The following SLIT3 variants were observed in gnomAD, a reference collection of about 807,000 sequenced individuals.
SLIT3 encodes slit guidance ligand 3.
Under a neutral mutation model 184.0 loss-of-function variants are expected in SLIT3, and 68 were observed. The ratio of observed to expected loss-of-function variants is 0.37; its 90% CI spans 0.30 to 0.45. The LOEUF (loss-of-function observed/expected upper bound fraction) is 0.45. Among genes scored for constraint, SLIT3 ranks in the 20% least tolerant of loss-of-function variants. The pLI, the probability that SLIT3 is intolerant of heterozygous loss-of-function variation, is 1.00. For missense variants in SLIT3, 1,707 were observed against 2,026.0 expected (o/e 0.84, Z 3.02); for synonymous variants, 831 against 828.6 (o/e 1.00, Z -0.05).
intron 4 of SLIT3, among the ~76,000 whole-genome samples, chr5:168,960,651 G>C (rs1224846971): frequency 6.6e-6 from 1 of 152,254 alleles, no homozygotes; most frequent in Non-Finnish European, 1.5e-5. Context: ...CCTGGCCGAA[G>C]TTACCTTCTT....
chr5:168,816,949 G>A (rs1484860674), intron 8 of SLIT3, among the ~76,000 whole-genome samples: 1 of 152,170 alleles, frequency 6.6e-6, no homozygotes, highest in Non-Finnish European at 1.5e-5. Context: ...GCAATGGGAC[G>A]ACAGGAACAT....
At chr5:168,869,356 C>T (rs1422367021) in intron 5 of SLIT3, among the ~76,000 whole-genome samples, 1 of 152,156 alleles carries the variant, frequency 6.6e-6, no homozygotes, top group Non-Finnish European at 1.5e-5. Flanking sequence ...TAAATCATTT[C>T]ACTTTTGTAT....
intron 4 of SLIT3, among the ~76,000 whole-genome samples, chr5:169,150,516 TAC>T (rs58010997): frequency 2.5e-3 from 366 of 144,498 alleles, no homozygotes; most frequent in Middle Eastern, 7.0e-3. Context: ...TTCACTCACA[TAC>T]ACACACACAC....
chr5:168,854,576 G>A (rs1374315905), intron 5 of SLIT3, among the ~76,000 whole-genome samples: 1 of 152,232 alleles, frequency 6.6e-6, no homozygotes, highest in Non-Finnish European at 1.5e-5. Flanking sequence ...TGACCAGGCT[G>A]GGACAGCATA....
chr5:168,762,784 A>G (rs1483105517), intron 14 of SLIT3, 95 bp from the exon 15 acceptor site: 21 of 1,259,894 alleles, frequency 1.7e-5, no homozygotes, highest in Non-Finnish European at 2.3e-5. Flanking sequence ...AGATGGGGGA[A>G]TGAGTTGGGG....
Position 168,722,337 on chromosome 5 carries a change from A to G in SLIT3, c.2412-10T>C, listed in dbSNP as rs1762969531. ...GTTGTAGCTCAGGATCCTGTGGAAA[A>G]GGAGGCATGTGCCCTGTTGTGTCTT... On this transcript the variant is annotated splice_polypyrimidine_tract_variant and intron_variant, in intron 22 of 35. Transcript: ENST00000519560. The G allele has an allele frequency of 3.7e-6, 6 of 1,613,784 alleles. No individual in the cohort carries two copies. The highest frequency in any genetic ancestry group is 5.1e-6 in the Non-Finnish European group (6 of 1,179,746).
intron 32 of SLIT3, among the ~76,000 whole-genome samples, chr5:168,677,060 G>A (rs542579232): frequency 1.3e-5 from 2 of 152,124 alleles, no homozygotes; most frequent in Non-Finnish European, 2.9e-5. Flanking sequence ...GTGCCCCAGT[G>A]CTGGGCTTCC....
At chr5:168,744,053 T>C (rs994978565) in intron 20 of SLIT3, among the ~76,000 whole-genome samples, 1 of 152,188 alleles carries the variant, frequency 6.6e-6, no homozygotes, top group African/African-American at 2.4e-5. Flanking sequence ...ACTCTGGGAA[T>C]CCGGGGCGGG....
At chr5:169,250,513 T>G (rs1042238558) in intron 2 of SLIT3, among the ~76,000 whole-genome samples, 2 of 152,232 alleles carry the variant, frequency 1.3e-5, no homozygotes, top group African/African-American at 4.8e-5. Flanking sequence ...CAGAGCCTGG[T>G]ACTTTCTGAA....
At chr5:169,174,815 A>C (rs1241888038) in intron 4 of SLIT3, among the ~76,000 whole-genome samples, 1 of 152,168 alleles carries the variant, frequency 6.6e-6, no homozygotes, top group Admixed American at 6.5e-5. Flanking sequence ...TCCCACCTGC[A>C]TATTTCCAGA....
chr5:168,882,953 C>A (rs1760011880), intron 5 of SLIT3, among the ~76,000 whole-genome samples: 1 of 152,132 alleles, frequency 6.6e-6, no homozygotes, highest in Admixed American at 6.5e-5. Context: ...GGTTACCATC[C>A]CCATTTTACA....
At chr5:168,832,242 C>T (rs1029058694) in intron 6 of SLIT3, among the ~76,000 whole-genome samples, 4 of 152,182 alleles carry the variant, frequency 2.6e-5, no homozygotes, top group African/African-American at 9.7e-5. Flanking sequence ...GCAAGAGTGA[C>T]CTCCAACTTA....
intron 6 of SLIT3, among the ~76,000 whole-genome samples, chr5:168,830,382 T>C (rs1299675904): frequency 1.3e-5 from 2 of 152,186 alleles, no homozygotes; most frequent in Non-Finnish European, 2.9e-5. Context: ...CTAATGTGCC[T>C]GGGGGCTCTA....
intron 23 of SLIT3, among the ~76,000 whole-genome samples, chr5:168,715,818 GT>G (rs1247474001): frequency 6.6e-6 from 1 of 151,846 alleles, no homozygotes; most frequent in Non-Finnish European, 1.5e-5. Flanking sequence ...GATTACAGAT[GT>G]GCACCACCAG....
chr5:169,071,500 G>T (rs184156115), intron 4 of SLIT3, among the ~76,000 whole-genome samples: 4 of 152,184 alleles, frequency 2.6e-5, no homozygotes, highest in Non-Finnish European at 4.4e-5. Flanking sequence ...GGCACCCAGA[G>T]CGATAAATGA....
intron 1 of SLIT3, among the ~76,000 whole-genome samples, chr5:169,294,751 C>G (rs1767451873): frequency 6.6e-6 from 1 of 152,188 alleles, no homozygotes; most frequent in Admixed American, 6.5e-5. Flanking sequence ...ATAGAGTGCA[C>G]TCACACGAGC....
At chr5:168,704,398 C>G (rs796414292) in intron 26 of SLIT3, among the ~76,000 whole-genome samples, 63 of 152,292 alleles carry the variant, frequency 4.1e-4, no homozygotes, top group African/African-American at 1.4e-3. Context: ...CAGCCCTGCA[C>G]ATGAGTATGA....
At chr5:168,980,496 AC>A (rs143222988) in intron 4 of SLIT3, among the ~76,000 whole-genome samples, 188 of 152,324 alleles carry the variant, frequency 1.2e-3, no homozygotes, top group African/African-American at 4.3e-3. Context: ...GGCAAAGGTC[AC>A]CCAGCTTGGT....
intron 4 of SLIT3, among the ~76,000 whole-genome samples, chr5:169,104,094 C>T (rs1760114206): frequency 6.6e-6 from 1 of 152,240 alleles, no homozygotes; most frequent in Non-Finnish European, 1.5e-5. Flanking sequence ...ACATGCTTCT[C>T]ACTTAATTCT....
Sources: gnomAD v4.1 joint callset for allele counts (sites outside exome capture counted in the v4.1 genomes callset) on GRCh38, gnomAD v4.1.1 for gene constraint, MANE v1.5 for transcripts, NCBI Gene and HGNC (gene_info 2026-07-23, HGNC 2026-07-21) for gene names.